ZNF486: variants seen among roughly 807,000 people sequenced by gnomAD.
The protein encoded by ZNF486 is zinc finger protein 486.
ZNF486 carries 12 observed loss-of-function variants against 12.8 expected under a neutral mutation model. The observed-to-expected ratio is 0.94, with a 90% CI of 0.60 to 1.52. The LOEUF (loss-of-function observed/expected upper bound fraction) is 1.52. ZNF486 is among the 40% of genes most tolerant of loss of function. The pLI is 0.00. For missense variants in ZNF486, 738 were observed against 545.0 expected (o/e 1.35, Z -3.53); for synonymous variants, 231 against 184.9 (o/e 1.25, Z -2.02).
At chr19:20,180,020 C>A (rs571159233) in intron 1 of ZNF486, among the ~76,000 whole-genome samples, 1 of 152,334 alleles carries the variant, frequency 6.6e-6, no homozygotes, top group Admixed American at 6.5e-5. Context: ...TCCACCAAGG[C>A]AGTTGTTTTC....
At chr19:20,195,990 A>G (rs1555717872) in intron 3 of ZNF486, among the ~76,000 whole-genome samples, 1 of 152,166 alleles carries the variant, frequency 6.6e-6, no homozygotes, top group Admixed American at 6.5e-5. Context: ...CTTGTTTTTT[A>G]AAAAGGAAAC....
At chr19:20,179,586 C>G (rs945317408) in intron 1 of ZNF486, among the ~76,000 whole-genome samples, 1 of 152,024 alleles carries the variant, frequency 6.6e-6, no homozygotes, top group Non-Finnish European at 1.5e-5. Context: ...GGATGCAGAG[C>G]CAAGTTGATC....
chr19:20,190,651 T>A (rs1555717052), intron 3 of ZNF486, among the ~76,000 whole-genome samples: 1 of 152,290 alleles, frequency 6.6e-6, no homozygotes, highest in African/African-American at 2.4e-5. Context: ...TCCCAAAGTG[T>A]TAGGGTTATA....
chr19:20,185,965 C>T (rs1188573509), intron 2 of ZNF486, 22 bp from the exon 3 acceptor site: 7 of 1,460,658 alleles, frequency 4.8e-6, no homozygotes, highest in Admixed American at 2.2e-5. Flanking sequence ...AAGATTAATG[C>T]TATTTATTTT....
chr19:20,184,293 CTTAAA>C, intron 1 of ZNF486, 58 bp from the exon 2 acceptor site: 1 of 1,601,954 alleles, frequency 6.2e-7, no homozygotes, highest in Non-Finnish European at 8.5e-7. Context: ...CTCATTTCAC[CTTAAA>C]TTAAAAATTC....
At chr19:20,186,119 A>C (rs1275572962) in intron 3 of ZNF486, 37 bp downstream of exon 3, 1 of 1,502,814 alleles carries the variant, frequency 6.7e-7, no homozygotes, top group Non-Finnish European at 8.9e-7. Flanking sequence ...CAGACAATGC[A>C]GATAAGAGGT....
chr19:20,168,286 G>C (rs971380963), intron 1 of ZNF486, among the ~76,000 whole-genome samples: 3 of 152,124 alleles, frequency 2.0e-5, no homozygotes, highest in South Asian at 4.1e-4. Flanking sequence ...TTGAACCCAG[G>C]AGGCGGAGGT....
rs782048125 is a variant in ZNF486, at chr19:20,197,203, CA to C, written c.495del (p.Gln165HisfsTer18). 1.2e-6 allele frequency: 2 copies of C among 1,612,626 alleles called. No homozygotes were observed. ...TGGTAAATATGTGAAAGTCTTTCAT[CA>C]ATTTTCAAATTCAAAGAGACATAAA... Reference protein sequence around the residue: ...QCGKYVKVFHQFSNSKRHKRR... With the variant: ...QCGKYVKVFHXFSNSKRHKRR... On this transcript the variant is annotated frameshift_variant, in exon 4 of 4. Coordinates refer to ENST00000335117, the MANE Select transcript of ZNF486 (RefSeq NM_052852.4). LOFTEE classifies it low-confidence loss of function (END_TRUNC).
intron 1 of ZNF486, among the ~76,000 whole-genome samples, chr19:20,177,403 T>C (rs2089731776): frequency 6.6e-6 from 1 of 152,202 alleles, no homozygotes; most frequent in South Asian, 2.1e-4. Context: ...TATAAGCAAT[T>C]AGCATACACA....
intron 3 of ZNF486, among the ~76,000 whole-genome samples, chr19:20,189,460 G>A (rs1290653584): frequency 6.6e-6 from 1 of 152,102 alleles, no homozygotes; most frequent in Admixed American, 6.5e-5. Context: ...CCAGCAAGAA[G>A]CAACATGGGT....
In ZNF486 at chr19:20,197,545, T is replaced by C. The variant is rs1555718240; in HGVS notation, c.835T>C (p.Tyr279His). ...EECGKAFMYPYTLTTHKIIHT... is the reference protein window; with the variant it reads ...EECGKAFMYPHTLTTHKIIHT... ...ATGTGGCAAAGCCTTTATGTACCCC[T>C]ATACCCTTACTACACATAAGATAAT... is the stretch of plus-strand genomic sequence containing the variant. The change falls in exon 4 of 4, where the codon TAT becomes CAT. Residue 279 changes from tyrosine (Y) to histidine (H), a missense_variant. By Grantham distance (83) the Tyr-to-His change is moderately conservative. Transcript: ENST00000335117. 1 of 1,613,162 alleles carries C rather than the reference T, an allele frequency of 6.2e-7. No individual in the cohort carries two copies. The highest frequency in any genetic ancestry group is 1.1e-5 in the South Asian group (1 of 90,986).
chr19:20,173,008 T>C (rs2089666878), intron 1 of ZNF486, among the ~76,000 whole-genome samples: 1 of 152,176 alleles, frequency 6.6e-6, no homozygotes, highest in African/African-American at 2.4e-5. Context: ...TTTTGTTTAT[T>C]TTGTAGATTG....
rs367670863 is a variant in ZNF486, at chr19:20,171,147, T to G, written c.30+3787T>G. On this transcript the variant is annotated intron_variant, in intron 1 of 3. Transcript: ENST00000335117. ...TGATGTTCAGCAAACTCTACAGATATGGTGCCAGTAAAAAGATATCACAGA... is the reference window on the plus strand; with the variant it reads ...TGATGTTCAGCAAACTCTACAGATAGGGTGCCAGTAAAAAGATATCACAGA... Among the ~76,000 whole-genome samples the G allele has an allele frequency of 1.6e-4, 24 of 152,288 alleles. No individual in the cohort carries two copies. The East Asian group carries it at 4.2e-3, about 27-fold the overall frequency.
In ZNF486 at chr19:20,174,754, A is replaced by G. The variant is rs546223286; in HGVS notation, c.30+7394A>G. ...AATGAATCACTTAAATGGTTATTTT[A>G]ATATTGTAATTTATACTTTTGAAAT... On this transcript the variant is annotated intron_variant, in intron 1 of 3. Transcript: ENST00000335117. Among the ~76,000 whole-genome samples, 4 of 152,356 alleles carry G rather than the reference A, an allele frequency of 2.6e-5. No homozygotes were observed. The East Asian group carries it at 7.7e-4, about 29-fold the overall frequency.
intron 1 of ZNF486, chr19:20,176,786 C>T (rs928741686): frequency 1.4e-4 from 22 of 152,962 alleles, no homozygotes; most frequent in Non-Finnish European, 2.2e-4. Flanking sequence ...TACAGTCCAG[C>T]TTCGGCTCGG....
chr19:20,194,795 T>C (rs7246630), intron 3 of ZNF486, among the ~76,000 whole-genome samples: 45,210 of 152,014 alleles, frequency 0.3, 8,077 homozygotes, highest in East Asian at 0.48. Context: ...TTTTATCTTG[T>C]AGCACCCAAA....
At chr19:20,188,995 G>A (rs782585152) in intron 3 of ZNF486, among the ~76,000 whole-genome samples, 3 of 152,116 alleles carry the variant, frequency 2.0e-5, no homozygotes, top group Non-Finnish European at 4.4e-5. Flanking sequence ...AGAGACATCT[G>A]GGTTGCTTCA....
Position 20,197,300 on chromosome 19 carries a change from A to C in ZNF486, c.590A>C (p.His197Pro). The C allele has an allele frequency of 6.2e-7, 1 of 1,612,194 alleles. No individual in the cohort carries two copies. Among genetic ancestry groups the C allele is most frequent in the Non-Finnish European group, 8.5e-7 (1 of 1,179,356 alleles). Residue 197 changes from histidine to proline, a missense_variant, in exon 4 of 4, where the codon CAT becomes CCT. Coordinates refer to ENST00000335117, the MANE Select transcript of ZNF486 (RefSeq NM_052852.4). ...AAAGCTTTTAACCAGTCCTCAACCC[A>C]TACTACACATAAAAAAATTGATACT... ...GDKAFNQSSTHTTHKKIDTGE... is the reference protein window; with the variant it reads ...GDKAFNQSSTPTTHKKIDTGE...
chr19:20,186,670 A>G (rs1223133609), intron 3 of ZNF486, among the ~76,000 whole-genome samples: 1 of 152,066 alleles, frequency 6.6e-6, no homozygotes, highest in Non-Finnish European at 1.5e-5. Flanking sequence ...ATTTTCCATT[A>G]CTATGAAAAA....
Sources: gnomAD v4.1 joint callset for allele counts (sites outside exome capture counted in the v4.1 genomes callset) on GRCh38, gnomAD v4.1.1 for gene constraint, MANE v1.5 for transcripts, NCBI Gene and HGNC (gene_info 2026-07-23, HGNC 2026-07-21) for gene names.